The following ADARB2 variants were observed in gnomAD, a reference collection of about 807,000 sequenced individuals.
ADARB2 encodes adenosine deaminase RNA specific B2 (inactive), also known as inactive double-stranded RNA-specific editase B2.
Under a neutral mutation model 62.2 loss-of-function variants are expected in ADARB2, and 25 were observed. The ratio of observed to expected loss-of-function variants is 0.40; its 90% CI spans 0.29 to 0.56. ADARB2 has a LOEUF of 0.56. Among genes scored for constraint, ADARB2 ranks in the 20% least tolerant of loss-of-function variants. ADARB2 has a pLI of 0.43. For synonymous variants in ADARB2, 572 were observed against 500.8 expected (o/e 1.14, Z -1.90); for missense variants, 1,071 against 1,077.4 (o/e 0.99, Z 0.08).
At chr10:1,298,697 C>T (rs1335436771) in intron 3 of ADARB2, among the ~76,000 whole-genome samples, 19 of 139,990 alleles carry the variant, frequency 1.4e-4, no homozygotes, top group Non-Finnish European at 2.1e-4. Context: ...GCAATGCTGC[C>T]GACTATCCCA....
chr10:1,418,020 G>A (rs375000296), intron 1 of ADARB2, among the ~76,000 whole-genome samples: 4 of 152,178 alleles, frequency 2.6e-5, no homozygotes, highest in Non-Finnish European at 4.4e-5. Flanking sequence ...GCCGATGAAG[G>A]TCACTCCACA....
rs73588441 is a variant in ADARB2 at position 1,194,816 on chromosome 10, C to T, written c.1864+5150G>A. The stretch of plus-strand genomic sequence containing the variant: ...AGAAAATGTCCTTTCTCCTATTGAG[C>T]GTGGTCATATTAGGGTCTGTGTCTG... On this transcript the variant is annotated intron_variant, in intron 8 of 9. Transcript: ENST00000381312. Among the ~76,000 whole-genome samples, 239 of 152,292 alleles carry T rather than the reference C, an allele frequency of 1.6e-3. 1 individual carries two copies. Among genetic ancestry groups the T allele is most frequent in the African/African-American group, 5.0e-3 (206 of 41,572 alleles).
At chr10:1,550,713 GA>G (rs1161479571) in intron 1 of ADARB2, among the ~76,000 whole-genome samples, 1 of 152,130 alleles carries the variant, frequency 6.6e-6, no homozygotes, top group Non-Finnish European at 1.5e-5. Context: ...GGAGCTAGAA[GA>G]GATTTGGAGA....
At chr10:1,447,511 G>A (rs1830985769) in intron 1 of ADARB2, among the ~76,000 whole-genome samples, 1 of 152,110 alleles carries the variant, frequency 6.6e-6, no homozygotes, top group African/African-American at 2.4e-5. Flanking sequence ...CAGCCATACA[G>A]CTTCTGCATT....
intron 3 of ADARB2, among the ~76,000 whole-genome samples, chr10:1,314,986 C>G (rs1318584680): frequency 6.6e-6 from 1 of 152,212 alleles, no homozygotes; most frequent in African/African-American, 2.4e-5. Flanking sequence ...CTCTCCACCC[C>G]TTCCTGATCA....
At chr10:1,481,638 C>A (rs538867748) in intron 1 of ADARB2, among the ~76,000 whole-genome samples, 6 of 20,034 alleles carry the variant, frequency 3.0e-4, no homozygotes, top group East Asian at 0.016. Flanking sequence ...GTGTGCGGAT[C>A]ACGAGGTCAG....
intron 6 of ADARB2, among the ~76,000 whole-genome samples, chr10:1,223,887 T>G (rs1276238996): frequency 6.6e-6 from 1 of 152,214 alleles, no homozygotes; most frequent in Non-Finnish European, 1.5e-5. Flanking sequence ...AAATTCTCTT[T>G]TTTGGTTGTG....
intron 3 of ADARB2, among the ~76,000 whole-genome samples, chr10:1,279,013 G>C (rs913986724): frequency 1.3e-5 from 2 of 152,052 alleles, no homozygotes; most frequent in African/African-American, 4.8e-5. Context: ...GAAAAAAGTT[G>C]GTTATTTTTC....
chr10:1,645,976 T>C (rs1293207460), intron 1 of ADARB2, among the ~76,000 whole-genome samples: 2 of 152,108 alleles, frequency 1.3e-5, no homozygotes, highest in African/African-American at 2.4e-5. Flanking sequence ...CCTGCAGACA[T>C]GAAACAGATA....
chr10:1,571,847 GGCAGGTGAGTATGCAGGTGAGTGT>G (rs1832940555), intron 1 of ADARB2, among the ~76,000 whole-genome samples: 1 of 147,948 alleles, frequency 6.8e-6, no homozygotes, highest in Non-Finnish European at 1.5e-5. Flanking sequence ...CTGGTGAGTG[GGCAGGTGAGTATGCAGGTGAGTGT>G]GCAGGCGAGT....
intron 2 of ADARB2, among the ~76,000 whole-genome samples, chr10:1,377,910 T>G (rs1167578604): frequency 6.6e-6 from 1 of 152,104 alleles, no homozygotes; most frequent in Non-Finnish European, 1.5e-5. Flanking sequence ...AGGGCTGTGT[T>G]TCCCACGCTG....
At chr10:1,228,158 G>A (rs1030260158) in intron 6 of ADARB2, among the ~76,000 whole-genome samples, 5 of 152,130 alleles carry the variant, frequency 3.3e-5, no homozygotes, top group Admixed American at 1.3e-4. Flanking sequence ...TAGAACAAAC[G>A]TACTAGGCTC....
intron 2 of ADARB2, 144 bp downstream of exon 2, chr10:1,378,930 T>A: frequency 1.5e-6 from 1 of 660,124 alleles, no homozygotes; most frequent in South Asian, 1.9e-5. Context: ...TGTGGAGGAA[T>A]GAGAGCAGAT....
At chr10:1,218,927 G>A (rs1458040636) in intron 6 of ADARB2, among the ~76,000 whole-genome samples, 1 of 151,828 alleles carries the variant, frequency 6.6e-6, no homozygotes, top group South Asian at 2.1e-4. Flanking sequence ...GCGGGCGCCT[G>A]TAGTCCCAGC....
chr10:1,646,271 A>G (rs763661961), intron 1 of ADARB2, among the ~76,000 whole-genome samples: 1 of 152,230 alleles, frequency 6.6e-6, no homozygotes, highest in Non-Finnish European at 1.5e-5. Flanking sequence ...CATCTTAGCC[A>G]TGCTGGGCTT....
intron 1 of ADARB2, among the ~76,000 whole-genome samples, chr10:1,603,743 T>C (rs1378201409): frequency 6.6e-6 from 1 of 151,964 alleles, no homozygotes; most frequent in East Asian, 1.9e-4. Flanking sequence ...AATGGAGTCC[T>C]AAAAATTTGA....
At chr10:1,207,151 A>T (rs1324581598) in intron 7 of ADARB2, among the ~76,000 whole-genome samples, 4 of 152,178 alleles carry the variant, frequency 2.6e-5, no homozygotes, top group Non-Finnish European at 5.9e-5. Flanking sequence ...GTTTGAGACC[A>T]GCCTGGCCAA....
At chr10:1,650,289 C>A (rs921963572) in intron 1 of ADARB2, among the ~76,000 whole-genome samples, 1 of 152,256 alleles carries the variant, frequency 6.6e-6, no homozygotes. Context: ...TGGTTGATGT[C>A]ACTTAAAGGA....
chr10:1,590,572 T>G (rs1304198500), intron 1 of ADARB2, among the ~76,000 whole-genome samples: 1 of 152,238 alleles, frequency 6.6e-6, no homozygotes, highest in East Asian at 1.9e-4. Flanking sequence ...GTGGTTCCCC[T>G]CTGGCCGTTA....
Sources: gnomAD v4.1 joint callset for allele counts (sites outside exome capture counted in the v4.1 genomes callset) on GRCh38, gnomAD v4.1.1 for gene constraint, MANE v1.5 for transcripts, NCBI Gene and HGNC (gene_info 2026-07-23, HGNC 2026-07-21) for gene names.